Variants in SLC5A10 observed in about 807,000 individuals in gnomAD.
SLC5A10 encodes solute carrier family 5 member 10.
SLC5A10 carries 55 observed loss-of-function variants against 68.9 expected under a neutral mutation model. The observed-to-expected ratio is 0.80, with a 90% CI of 0.64 to 1.00. The LOEUF (loss-of-function observed/expected upper bound fraction) is 1.00, where lower values mean the gene tolerates loss of function less well. Ranked by LOEUF, SLC5A10 falls within the 50% of genes least tolerant of loss-of-function variation. The pLI is 0.00. For synonymous variants in SLC5A10, 344 were observed against 344.8 expected (o/e 1.00, Z 0.02); for missense variants, 732 against 819.3 (o/e 0.89, Z 1.30).
At position 18,988,215 on chromosome 17, in the gene SLC5A10, C is replaced by T. The variant is rs775071874; in HGVS notation, c.982+11226C>T. ...GACAGACTGAATGACCCCTGCCCTC[C>T]AGCCACCCAGGCAAGTGAGGAGCCT... On this transcript the variant is annotated intron_variant, in intron 9 of 14. Transcript: ENST00000395645. The T allele has an allele frequency of 2.1e-5, 33 of 1,598,910 alleles. No homozygotes were observed. In the Admixed American group the frequency reaches 3.0e-4, roughly 15 times the overall value.
In SLC5A10 at chr17:18,993,989, C is replaced by G. The variant is rs567295779; in HGVS notation, c.982+17000C>G. 1.0e-3 allele frequency among the ~76,000 whole-genome samples: 158 copies of G among 152,328 alleles called. 2 individuals are homozygous for G. The highest frequency in any genetic ancestry group is 2.0e-3 in the Non-Finnish European group (139 of 68,038). ...TCCCACCAACCCAAGTCCCATCCCA[C>G]CAGACCCACAGCTCCCTCTGGGGTG... On this transcript the variant is annotated intron_variant, in intron 9 of 14. Transcript: ENST00000395645.
chr17:19,015,651 C>T (rs1390950376), intron 11 of SLC5A10, among the ~76,000 whole-genome samples: 1 of 152,212 alleles, frequency 6.6e-6, no homozygotes, highest in Non-Finnish European at 1.5e-5. Context: ...CAGCTTGTCC[C>T]CTCCTTTTTC....
intron 2 of SLC5A10, 21 bp from the exon 3 acceptor site, chr17:18,959,114 G>A (rs375990555): frequency 8.1e-6 from 13 of 1,601,642 alleles, no homozygotes; most frequent in African/African-American, 8.0e-5. Context: ...CTGCTGATGC[G>A]TTTCCCTTTC....
At position 19,009,102 on chromosome 17, in the gene SLC5A10, C is replaced by T. The variant is rs150604956; in HGVS notation, c.983-4308C>T. Among the ~76,000 whole-genome samples the T allele has an allele frequency of 3.9e-3, 599 of 151,974 alleles. 3 individuals are homozygous for T. Among genetic ancestry groups the T allele is most frequent in the African/African-American group, 0.013 (539 of 41,424 alleles). On this transcript the variant is annotated intron_variant, in intron 9 of 14. Transcript: ENST00000395645. ...TGCTAGGATTACAGGCATGAGCCAC[C>T]GTTCCTGGCCAGTCTCAGAGATCTT...
chr17:19,014,910 G>A (rs1416015900), intron 10 of SLC5A10, 139 bp from the exon 11 acceptor site: 1 of 1,044,146 alleles, frequency 9.6e-7, no homozygotes, highest in African/African-American at 1.6e-5. Flanking sequence ...AACCTCCTCA[G>A]CTTCTCTCCC....
intron 11 of SLC5A10, among the ~76,000 whole-genome samples, chr17:19,016,022 C>T (rs1475155397): frequency 1.3e-5 from 2 of 152,190 alleles, no homozygotes; most frequent in African/African-American, 2.4e-5. Flanking sequence ...CAGCGTTTCC[C>T]CTGAGTCCTC....
chr17:18,964,908 C>T (rs1353743788), intron 5 of SLC5A10, among the ~76,000 whole-genome samples: 1 of 151,970 alleles, frequency 6.6e-6, no homozygotes, highest in East Asian at 1.9e-4. Context: ...TTTGGGAGGC[C>T]GAGGCGGGTG....
At chr17:19,009,337 A>C (rs1209626381) in intron 9 of SLC5A10, among the ~76,000 whole-genome samples, 1 of 151,494 alleles carries the variant, frequency 6.6e-6, no homozygotes, top group Non-Finnish European at 1.5e-5. Context: ...GACTACAGGC[A>C]CGAACCACCA....
chr17:19,003,434 C>T lies in SLC5A10; in HGVS notation c.983-9976C>T, dbSNP rs1448755909. On this transcript the variant is annotated intron_variant, in intron 9 of 14. Transcript: ENST00000395645. The surrounding 1 kb of genome is among the most constrained non-coding windows in gnomAD (Gnocchi z 4.5). ...ATCCCTAGAAGCCCATGTTGGGCTC[C>T]CGTTTTGGGCTCTGAGTGAGCCTGT... 1.4e-6 allele frequency: 2 copies of T among 1,385,310 alleles called. No homozygotes were observed. The highest frequency in any genetic ancestry group is 5.4e-5 in the East Asian group (2 of 37,274). 85.8% of individuals were successfully genotyped at this position (1,385,310 alleles called of 1,614,324 possible).
chr17:19,008,209 T>C (rs1011983047), intron 9 of SLC5A10, among the ~76,000 whole-genome samples: 1 of 152,236 alleles, frequency 6.6e-6, no homozygotes, highest in Non-Finnish European at 1.5e-5. Context: ...AATAATGTTA[T>C]GTACCCTGGG....
chr17:18,955,500 C>T (rs2042480576), intron 1 of SLC5A10, among the ~76,000 whole-genome samples: 1 of 152,206 alleles, frequency 6.6e-6, no homozygotes, highest in Non-Finnish European at 1.5e-5. Context: ...ATGTGGCCCC[C>T]AGCAACTGCC....
intron 8 of SLC5A10, among the ~76,000 whole-genome samples, chr17:18,972,406 G>A (rs529795927): frequency 1.2e-4 from 19 of 152,292 alleles, no homozygotes; most frequent in Middle Eastern, 3.4e-3. Flanking sequence ...GAGTAGGCCC[G>A]ACCAGCTCCA....
At chr17:18,951,221 G>A (rs1050605045), upstream of SLC5A10, among the ~76,000 whole-genome samples, 2 of 152,250 alleles carry the variant, frequency 1.3e-5, no homozygotes, top group African/African-American at 4.8e-5. Flanking sequence ...GCCCTGCTGT[G>A]TACACTGATA....
At position 19,017,456 on chromosome 17, in the gene SLC5A10, C is replaced by T; in HGVS notation, c.1242-1967C>T. The stretch of plus-strand genomic sequence containing the variant: ...AGAGGCGAGGCTTACAGAGAGAAGA[C>T]CAACAGCCCAGAGGCCTGGAGAGGA... On this transcript the variant is annotated intron_variant, in intron 11 of 14. Transcript: ENST00000395645. This position sits in a 1 kb window ranked among gnomAD's most constrained non-coding sequence, Gnocchi z 5.6. 6.8e-7 allele frequency: 1 copy of T among 1,471,336 alleles called. No individual in the cohort carries two copies. The highest frequency in any genetic ancestry group is 9.3e-7 in the Non-Finnish European group (1 of 1,074,550). The allele number at this position is 1,471,336 out of a possible 1,614,324, so 91.1% of individuals were successfully genotyped here.
rs760363889 is a variant in SLC5A10 at position 18,970,965 on chromosome 17, G to C, written c.641-48G>C. On this transcript the variant is annotated intron_variant, in intron 7 of 14. Transcript: ENST00000395645. ...AGGCAGGGGGGAGCCCAGGGAGTCA[G>C]GGCCCCGCAACCACCAAACTGTCCC... The C allele has an allele frequency of 5.7e-6, 9 of 1,585,054 alleles. No individual in the cohort carries two copies. In the South Asian group the frequency reaches 8.8e-5, roughly 16 times the overall value.
At position 19,020,383 on chromosome 17, in the gene SLC5A10, C is replaced by T. The variant is rs747643933; in HGVS notation, c.1743C>T (p.Ala581=). The stretch of plus-strand genomic sequence containing the variant: ...GGGCCCGTGTCTGTGGCTTCAATGC[C>T]ATCCTCCTCATGTGTGTCAACATAT... The part of the protein sequence containing the change: ...AFWARVCGFN[A]ILLMCVNIFF... The change falls in exon 15 of 15, where the codon GCC becomes GCT. Residue 581 remains alanine, a synonymous_variant. Coordinates refer to ENST00000395645, the MANE Select transcript of SLC5A10 (RefSeq NM_001042450.4). 44 of 1,614,126 alleles carry T rather than the reference C, an allele frequency of 2.7e-5. No homozygotes were observed. Among genetic ancestry groups the T allele is most frequent in the Non-Finnish European group, 3.5e-5 (41 of 1,180,048 alleles).
At position 19,015,083 on chromosome 17, in the gene SLC5A10, G is replaced by A. The variant is rs2074279; in HGVS notation, c.1125G>A (p.Ala375=). The change falls in exon 11 of 15, where the codon GCG becomes GCA. Residue 375 remains alanine (A), a synonymous_variant. Transcript: ENST00000395645. ...LRGLMIAVML[A]ALMSSLTSIF... The stretch of plus-strand genomic sequence containing the variant: ...GGCTGATGATCGCAGTGATGCTGGC[G>A]GCGCTCATGTCGTCGCTGACCTCCA... The A allele has an allele frequency of 1.2e-6, 2 of 1,613,816 alleles. No individual in the cohort carries two copies. Among genetic ancestry groups the A allele is most frequent in the Non-Finnish European group, 1.7e-6 (2 of 1,179,858 alleles).
rs377220975 is a variant in SLC5A10 at position 19,021,980 on chromosome 17, G to A, written c.*1549G>A. On this transcript the variant is annotated 3_prime_UTR_variant, in exon 15 of 15. Coordinates refer to ENST00000395645, the MANE Select transcript of SLC5A10 (RefSeq NM_001042450.4). This position sits in a 1 kb window ranked among gnomAD's most constrained non-coding sequence, Gnocchi z 4.1. ...CTGCTCACAGGTGCACGGGCTGCAC[G>A]TAACTCCGTGGGAAGAAGCCAACGC... 9 of 1,576,284 alleles carry A rather than the reference G, an allele frequency of 5.7e-6. No individual in the cohort carries two copies. The highest frequency in any genetic ancestry group is 5.4e-5 in the African/African-American group (4 of 73,462).
chr17:18,991,139 C>T (rs2043411879), intron 9 of SLC5A10, among the ~76,000 whole-genome samples: 1 of 152,214 alleles, frequency 6.6e-6, no homozygotes, highest in African/African-American at 2.4e-5. Flanking sequence ...GCCACCTTGC[C>T]TAATTCTGTT....
Sources: gnomAD v4.1 joint callset for allele counts (sites outside exome capture counted in the v4.1 genomes callset) on GRCh38, gnomAD v4.1.1 for gene constraint, Gnocchi (gnomAD v3.1) non-coding constraint, MANE v1.5 for transcripts, NCBI Gene and HGNC (gene_info 2026-07-23, HGNC 2026-07-21) for gene names.